SV2C: variants seen among roughly 807,000 people sequenced by gnomAD.
SV2C encodes the protein synaptic vesicle glycoprotein 2C.
SV2C carries 49 observed loss-of-function variants against 79.7 expected under a neutral mutation model. The observed-to-expected ratio is 0.61, with a 90% CI of 0.49 to 0.78. The LOEUF is 0.78. SV2C is among the 30% of genes least tolerant of loss of function. The probability of loss-of-function intolerance (pLI) is 0.00; values close to 1 mark genes in which losing one functional copy is unlikely to be tolerated. For synonymous variants in SV2C, 334 were observed against 333.2 expected (o/e 1.00, Z -0.03); for missense variants, 833 against 912.9 (o/e 0.91, Z 1.13).
intron 12 of SV2C, among the ~76,000 whole-genome samples, chr5:76,303,185 G>A (rs566504702): frequency 6.6e-6 from 1 of 152,052 alleles, no homozygotes; most frequent in Non-Finnish European, 1.5e-5. Context: ...TAAATATTTA[G>A]GCTCTGAAAG....
At chr5:76,276,855 C>CTGT (rs1747039199) in intron 4 of SV2C, among the ~76,000 whole-genome samples, 1 of 151,942 alleles carries the variant, frequency 6.6e-6, no homozygotes, top group African/African-American at 2.4e-5. Flanking sequence ...AGGTGTGAGC[C>CTGT]AACACATCTG....
intron 4 of SV2C, among the ~76,000 whole-genome samples, chr5:76,250,599 T>C (rs887836161): frequency 1.3e-5 from 2 of 152,232 alleles, no homozygotes; most frequent in Non-Finnish European, 2.9e-5. Flanking sequence ...TGAGTCATAA[T>C]GGATTGGGGT....
intron 2 of SV2C, among the ~76,000 whole-genome samples, chr5:76,155,336 A>T (rs954717192): frequency 6.6e-6 from 1 of 152,208 alleles, no homozygotes; most frequent in Admixed American, 6.5e-5. Flanking sequence ...AAACTCAGTT[A>T]CAAAGGTGAG....
At chr5:76,086,698 A>G (rs781264865) in intron 1 of SV2C, among the ~76,000 whole-genome samples, 1 of 152,184 alleles carries the variant, frequency 6.6e-6, no homozygotes, top group African/African-American at 2.4e-5. Context: ...TGCTTTTTCA[A>G]TCTCTGCACA....
At chr5:75,917,736 G>C in the SV2C span, among the ~76,000 whole-genome samples, 1 of 152,118 alleles carries the variant, frequency 6.6e-6, no homozygotes, top group South Asian at 2.1e-4. Context: ...AGAAAGAATG[G>C]ATAACACCTA....
At chr5:76,068,989 CAAAGA>C in the SV2C span, among the ~76,000 whole-genome samples, 6 of 152,010 alleles carry the variant, frequency 3.9e-5, no homozygotes, top group Admixed American at 1.3e-4. Context: ...AAATGAAGTG[CAAAGA>C]AAAGAAAAGA....
intron 4 of SV2C, among the ~76,000 whole-genome samples, chr5:76,244,329 A>C (rs1437647205): frequency 6.6e-6 from 1 of 152,250 alleles, no homozygotes; most frequent in Non-Finnish European, 1.5e-5. Flanking sequence ...TACACAAAAC[A>C]TGGTGCCAAG....
At chr5:75,940,723 A>G in the SV2C span, among the ~76,000 whole-genome samples, 1 of 152,216 alleles carries the variant, frequency 6.6e-6, no homozygotes, top group Non-Finnish European at 1.5e-5. Flanking sequence ...TCCTAACAGT[A>G]GTTACAACAC....
the SV2C span, among the ~76,000 whole-genome samples, chr5:75,941,830 C>A: frequency 6.6e-6 from 1 of 152,154 alleles, no homozygotes; most frequent in African/African-American, 2.4e-5. Flanking sequence ...TAAATAAATT[C>A]TCTGACCTAC....
At chr5:75,921,712 G>A in the SV2C span, 18 of 469,806 alleles carry the variant, frequency 3.8e-5, no homozygotes, top group African/African-American at 1.2e-4. Context: ...AAGAACAGAG[G>A]GTATAAAATA....
At chr5:76,062,177 G>A in the SV2C span, among the ~76,000 whole-genome samples, 1 of 152,028 alleles carries the variant, frequency 6.6e-6, no homozygotes, top group Admixed American at 6.5e-5. Context: ...TCTGATAGAT[G>A]GTATTATGGT....
At chr5:76,097,136 T>C (rs150991557) in intron 1 of SV2C, among the ~76,000 whole-genome samples, 57 of 152,284 alleles carry the variant, frequency 3.7e-4, no homozygotes, top group Non-Finnish European at 6.5e-4. Flanking sequence ...CAGTTCCACA[T>C]AAGCAAAGCC....
chr5:75,973,032 T>C, the SV2C span, among the ~76,000 whole-genome samples: 2 of 152,034 alleles, frequency 1.3e-5, no homozygotes, highest in Non-Finnish European at 2.9e-5. Flanking sequence ...TGTAGGGACA[T>C]GGATGAAGCT....
chr5:76,223,068 A>G lies in SV2C; in HGVS notation c.913+13181A>G, dbSNP rs535864430. On this transcript the variant is annotated intron_variant, in intron 4 of 12. Coordinates refer to ENST00000502798, the MANE Select transcript of SV2C (RefSeq NM_014979.4). ...AGTGTGCATGTGTGGCCCAGATGCC[A>G]GCTACCCCTTGTCTGTCCAGGCGAT... Among the ~76,000 whole-genome samples, 14 of 152,290 alleles carry G rather than the reference A, an allele frequency of 9.2e-5. No homozygotes were observed. In the South Asian group the frequency reaches 2.9e-3, roughly 32 times the overall value.
chr5:75,856,249 A>G, the SV2C span, among the ~76,000 whole-genome samples: 1 of 152,226 alleles, frequency 6.6e-6, no homozygotes, highest in Non-Finnish European at 1.5e-5. Context: ...GTGCTGCAAC[A>G]GACATAGGAG....
the SV2C span, among the ~76,000 whole-genome samples, chr5:76,029,715 CA>C: frequency 1.6e-3 from 237 of 152,298 alleles, 3 homozygotes; most frequent in South Asian, 0.025. Context: ...GACAAGTAAA[CA>C]AATATTTGGC....
At chr5:76,346,945 C>T (rs548916575) in intron 12 of SV2C, among the ~76,000 whole-genome samples, 2 of 152,266 alleles carry the variant, frequency 1.3e-5, no homozygotes, top group South Asian at 4.2e-4. Flanking sequence ...TTCCACCGTG[C>T]ATCTTTCTTA....
intron 1 of SV2C, among the ~76,000 whole-genome samples, chr5:76,104,485 A>G (rs960326108): frequency 6.6e-6 from 1 of 152,194 alleles, no homozygotes; most frequent in Non-Finnish European, 1.5e-5. Context: ...CCTGGGCTCA[A>G]GTAATCCTTC....
the SV2C span, among the ~76,000 whole-genome samples, chr5:76,033,424 A>G: frequency 7.4e-4 from 113 of 152,286 alleles, no homozygotes; most frequent in African/African-American, 2.6e-3. Context: ...TAATTTTTGT[A>G]TAAGGTGTAA....
Sources: gnomAD v4.1 joint callset for allele counts (sites outside exome capture counted in the v4.1 genomes callset) on GRCh38, gnomAD v4.1.1 for gene constraint, MANE v1.5 for transcripts, NCBI Gene and HGNC (gene_info 2026-07-23, HGNC 2026-07-21) for gene names.